The following KIAA1671 variants were observed in gnomAD, a reference collection of about 807,000 sequenced individuals.
KIAA1671 encodes the protein KIAA1671, also known as uncharacterized protein KIAA1671.
KIAA1671 carries 52 observed loss-of-function variants against 131.2 expected under a neutral mutation model. The ratio of observed to expected loss-of-function variants is 0.40; its 90% CI spans 0.32 to 0.50. The LOEUF (loss-of-function observed/expected upper bound fraction) is 0.50, where lower values mean the gene tolerates loss of function less well. Ranked by LOEUF, KIAA1671 falls within the 20% of genes least tolerant of loss-of-function variation. KIAA1671 has a pLI of 0.73. For synonymous variants in KIAA1671, 1,003 were observed against 961.6 expected (o/e 1.04, Z -0.80); for missense variants, 2,360 against 2,364.2 (o/e 1.00, Z 0.04).
Position 25,029,187 on chromosome 22 carries a change from A to G in KIAA1671, c.1188A>G (p.Pro396=). The G allele has an allele frequency of 2.1e-6, 3 of 1,456,762 alleles. No individual in the cohort carries two copies. The highest frequency in any genetic ancestry group is 2.7e-6 in the Non-Finnish European group (3 of 1,101,936). The allele number at this position is 1,456,762 out of a possible 1,614,324, so 90.2% of individuals were successfully genotyped here. A position where few individuals can be genotyped will look rare whatever the true frequency, so the allele number is the denominator to read the frequency against. ...AAAAGGCCAAGCTGGACCCAGAGCC[A>G]GAGAAGGCTGCTGAGTCCCCCTCAC... ...WEEKAKLDPE[P]EKAAESPSPR... Residue 396 remains proline (P), a synonymous_variant, in exon 3 of 13, where the codon CCA becomes CCG. Transcript: ENST00000358431.
At chr22:25,084,243 G>A (rs535585293) in intron 6 of KIAA1671, among the ~76,000 whole-genome samples, 2 of 152,238 alleles carry the variant, frequency 1.3e-5, no homozygotes, top group East Asian at 3.9e-4. Flanking sequence ...TTGGGAGGCC[G>A]AGGCGGGCGG....
At chr22:25,097,774 C>G (rs1009771957) in intron 6 of KIAA1671, among the ~76,000 whole-genome samples, 36 of 151,884 alleles carry the variant, frequency 2.4e-4, no homozygotes, top group African/African-American at 8.7e-4. Context: ...AAAAACCACT[C>G]AAAACACAAA....
chr22:25,045,224 T>C (rs1473777440), intron 5 of KIAA1671, among the ~76,000 whole-genome samples: 1 of 152,078 alleles, frequency 6.6e-6, no homozygotes, highest in Non-Finnish European at 1.5e-5. Flanking sequence ...CTCCTTTAAA[T>C]ATTGAGCGTG....
chr22:25,150,396 G>A (rs765392063), intron 6 of KIAA1671, among the ~76,000 whole-genome samples: 1 of 152,166 alleles, frequency 6.6e-6, no homozygotes, highest in African/African-American at 2.4e-5. Flanking sequence ...ACTTACCTGA[G>A]GCCATACAGC....
chr22:25,133,715 A>C (rs1434346643), intron 6 of KIAA1671, among the ~76,000 whole-genome samples: 2 of 151,950 alleles, frequency 1.3e-5, no homozygotes, highest in Non-Finnish European at 2.9e-5. Flanking sequence ...GCTAATTAAA[A>C]AATTTTTTTT....
intron 6 of KIAA1671, among the ~76,000 whole-genome samples, chr22:25,150,918 C>T (rs906475727): frequency 6.2e-5 from 9 of 146,308 alleles, no homozygotes; most frequent in African/African-American, 1.5e-4. Flanking sequence ...CTGCAAGCTC[C>T]GCCTCCCGGG....
intron 1 of KIAA1671, among the ~76,000 whole-genome samples, chr22:25,002,560 C>A (rs1363211799): frequency 6.6e-6 from 1 of 152,120 alleles, no homozygotes; most frequent in Non-Finnish European, 1.5e-5. Context: ...AAAAACCAAG[C>A]CTTTAGCCAG....
At chr22:25,001,187 G>A (rs1371131568) in intron 1 of KIAA1671, among the ~76,000 whole-genome samples, 3 of 76,324 alleles carry the variant, frequency 3.9e-5, no homozygotes, top group Admixed American at 1.0e-4. Flanking sequence ...ATATACGTGT[G>A]TATATATGTG....
intron 11 of KIAA1671, 119 bp downstream of exon 11, chr22:25,185,238 C>G: frequency 9.2e-7 from 1 of 1,084,906 alleles, no homozygotes; most frequent in Non-Finnish European, 1.3e-6. Flanking sequence ...TTAATTTTCT[C>G]TAGCAGCAGA....
At chr22:25,023,646 A>G (rs1293094104) in intron 1 of KIAA1671, 67 of 152,288 alleles carry the variant, frequency 4.4e-4, no homozygotes, top group Admixed American at 3.9e-3. Context: ...GCCATCTACT[A>G]TGGTGGTTTA....
chr22:25,043,387 A>T (rs1372310865), intron 5 of KIAA1671, among the ~76,000 whole-genome samples: 4 of 151,912 alleles, frequency 2.6e-5, no homozygotes, highest in Admixed American at 2.6e-4. Flanking sequence ...AGATGGGGGG[A>T]AAAAAACAGA....
At chr22:25,063,624 G>A (rs960715019) in intron 6 of KIAA1671, 5 of 152,164 alleles carry the variant, frequency 3.3e-5, no homozygotes, top group African/African-American at 1.2e-4. Context: ...CTGCTCGGGT[G>A]ACGGGTGCAC....
chr22:24,997,658 G>T (rs976836110), intron 1 of KIAA1671, among the ~76,000 whole-genome samples: 5 of 152,130 alleles, frequency 3.3e-5, no homozygotes, highest in Admixed American at 1.3e-4. Context: ...GGCTGTGGTG[G>T]TGAGGGGTGT....
rs1931368688 is a variant in KIAA1671, at chr22:25,111,780, CA to C, written c.4531-59039del. ...CCCCCTCCACCCCCACCCCCATCCC[CA>C]TCCCCCGCCTTTCGGGACCGTCACG... On this transcript the variant is annotated intron_variant, in intron 6 of 12. Coordinates refer to ENST00000358431, the MANE Select transcript of KIAA1671 (RefSeq NM_001145206.2). The C allele has an allele frequency of 1.4e-5, 2 of 147,702 alleles. 1 individual carries two copies. Among genetic ancestry groups the C allele is most frequent in the African/African-American group, 5.0e-5 (2 of 39,720 alleles). 9.1% of individuals were successfully genotyped at this position (147,702 alleles called of 1,614,324 possible). A position where few individuals can be genotyped will look rare whatever the true frequency, so the allele number is the denominator to read the frequency against.
chr22:25,085,514 C>G (rs978207866), intron 6 of KIAA1671, among the ~76,000 whole-genome samples: 5 of 151,632 alleles, frequency 3.3e-5, no homozygotes, highest in African/African-American at 9.7e-5. Flanking sequence ...CCACCTCCCC[C>G]CCCATAACCC....
chr22:24,994,646 G>A (rs571073572), intron 1 of KIAA1671, among the ~76,000 whole-genome samples: 1 of 152,248 alleles, frequency 6.6e-6, no homozygotes, highest in African/African-American at 2.4e-5. Context: ...CGTGGCTCAG[G>A]TGAACCAGCG....
At chr22:24,953,187 C>T (rs1489181816) in intron 1 of KIAA1671, among the ~76,000 whole-genome samples, 1 of 152,122 alleles carries the variant, frequency 6.6e-6, no homozygotes. Flanking sequence ...AGACTGGGAG[C>T]GAGAGGATCA....
At chr22:25,145,093 T>C (rs1045195104) in intron 6 of KIAA1671, among the ~76,000 whole-genome samples, 2 of 152,194 alleles carry the variant, frequency 1.3e-5, no homozygotes, top group Non-Finnish European at 2.9e-5. Flanking sequence ...GGTGGATCCC[T>C]GAGGTCCCCA....
At chr22:24,977,059 G>T (rs1203237801) in intron 1 of KIAA1671, among the ~76,000 whole-genome samples, 1 of 152,162 alleles carries the variant, frequency 6.6e-6, no homozygotes, top group African/African-American at 2.4e-5. Flanking sequence ...AACCATCTCA[G>T]AGAGCTGTCA....
Sources: gnomAD v4.1 joint callset for allele counts (sites outside exome capture counted in the v4.1 genomes callset) on GRCh38, gnomAD v4.1.1 for gene constraint, MANE v1.5 for transcripts, NCBI Gene and HGNC (gene_info 2026-07-23, HGNC 2026-07-21) for gene names.